ANKRD26: variants seen among roughly 807,000 people sequenced by gnomAD.
The protein encoded by ANKRD26 is ankyrin repeat domain-containing protein 26.
ANKRD26 carries 141 observed loss-of-function variants against 208.7 expected under a neutral mutation model. That is an observed-to-expected ratio of 0.68 (90% CI 0.59 to 0.78). ANKRD26 has a LOEUF of 0.78. Ranked by LOEUF, ANKRD26 falls within the 30% of genes least tolerant of loss-of-function variation. The pLI is 0.00. For missense variants in ANKRD26, 1,889 were observed against 1,938.7 expected (o/e 0.97, Z 0.48); for synonymous variants, 636 against 660.4 (o/e 0.96, Z 0.57).
chr10:27,016,305 T>C (rs2053289790), intron 30 of ANKRD26, among the ~76,000 whole-genome samples: 1 of 151,994 alleles, frequency 6.6e-6, no homozygotes, highest in African/African-American at 2.4e-5. Flanking sequence ...GTTTGTTTTG[T>C]TTTGTATTTG....
chr10:27,061,164 C>T lies in ANKRD26; in HGVS notation c.1442G>A (p.Gly481Asp), dbSNP rs1254978194. 5 of 1,611,734 alleles carry T rather than the reference C, an allele frequency of 3.1e-6. No homozygotes were observed. The highest frequency in any genetic ancestry group is 1.1e-5 in the South Asian group (1 of 91,036). ...MAKLEDTRNV[G>D]MPVAHMESPE... ...CATACCCATGTGGGCTACTGGCATG[C>T]CTACATTTCTTGTATCCTCTAGTTT... The change falls in exon 13 of 34, where the codon GGC becomes GAC. Residue 481 changes from glycine (G) to aspartate (D), a missense_variant. This residue lies in a region of ANKRD26 where 1,272 missense variants were observed against 1,273.8 expected (regional missense o/e 1.00). Transcript: ENST00000376087.
intron 1 of ANKRD26, among the ~76,000 whole-genome samples, chr10:27,094,799 G>A (rs1285330160): frequency 6.6e-6 from 1 of 152,138 alleles, no homozygotes; most frequent in Non-Finnish European, 1.5e-5. Flanking sequence ...CCAAGAGTTT[G>A]AGACCAGCCT....
In ANKRD26 at chr10:27,100,237, C is replaced by A. The variant is rs1347503526; in HGVS notation, c.90G>T (p.Pro30=). 4 of 1,612,212 alleles carry A rather than the reference C, an allele frequency of 2.5e-6. No homozygotes were observed. The Admixed American group carries it at 5.0e-5, about 20-fold the overall frequency. ...CGGGCTGCGAGTAGGCGCCCTCCCC[C>A]GGCTCGCCCCCGCCTCCCGCGCTGC... ...QRSSAGGGGE[P]GEGAYSQPGY... is the part of the protein sequence containing the mutation. The change falls in exon 1 of 34, where the codon CCG becomes CCT. Residue 30 remains proline, a synonymous_variant. Transcript: ENST00000376087.
rs1469948289 is a variant in ANKRD26 at position 27,067,207 on chromosome 10, T to G, written c.1157A>C (p.Asn386Thr). Residue 386 changes from asparagine to threonine, a missense_variant, in exon 10 of 34, where the codon AAT becomes ACT. By Grantham distance (65) the Asn-to-Thr change is moderately conservative (BLOSUM62 0). This residue lies in a region of ANKRD26 where 1,272 missense variants were observed against 1,273.8 expected (regional missense o/e 1.00). Coordinates refer to ENST00000376087, the MANE Select transcript of ANKRD26 (RefSeq NM_014915.3). ...IIESAPLEQT[N>T]NDNLTYVDEV... is the part of the protein sequence containing the mutation. ...ATCAACATAAGTCAAATTGTCATTA[T>G]TTGTTTGCTCTAGTGGAGCACTTTC... The G allele has an allele frequency of 1.2e-6, 2 of 1,613,788 alleles. No individual in the cohort carries two copies. The highest frequency in any genetic ancestry group is 1.7e-6 in the Non-Finnish European group (2 of 1,179,842).
chr10:27,091,036 C>A (rs950924688), intron 4 of ANKRD26, among the ~76,000 whole-genome samples: 1 of 152,036 alleles, frequency 6.6e-6, no homozygotes, highest in Non-Finnish European at 1.5e-5. Context: ...ACAGAGGTTG[C>A]AGGGAGCCAA....
chr10:27,077,737 A>G (rs749499556), intron 7 of ANKRD26, 44 bp from the exon 8 acceptor site: 1 of 1,497,560 alleles, frequency 6.7e-7, no homozygotes, highest in Non-Finnish European at 9.2e-7. Flanking sequence ...AAAAACAAGT[A>G]TCAAATTTGA....
rs2056615708 is a variant in ANKRD26, at chr10:27,100,462, C to G, written c.-136G>C. The G allele has an allele frequency of 7.5e-7, 1 of 1,331,114 alleles. No homozygotes were observed. The highest frequency in any genetic ancestry group is 1.0e-6 in the Non-Finnish European group (1 of 988,502). The allele number at this position is 1,331,114 out of a possible 1,614,324, so 82.5% of individuals were successfully genotyped here. ...ACTCCGCGGTTTCCAATCTCTCCCT[C>G]CGGGTTACCAAGCAAGCGATCCCGC... is the stretch of plus-strand genomic sequence containing the variant. On this transcript the variant is annotated 5_prime_UTR_variant, in exon 1 of 34. Coordinates refer to ENST00000376087, the MANE Select transcript of ANKRD26 (RefSeq NM_014915.3).
At chr10:27,000,466 T>G (rs907635797), downstream of ANKRD26, among the ~76,000 whole-genome samples, 30 of 152,216 alleles carry the variant, frequency 2.0e-4, no homozygotes, top group Admixed American at 9.2e-4. Context: ...GATACAATAC[T>G]GTCACTATTA....
chr10:26,976,525 T>G (rs946582024), intron 5 of ANKRD26, among the ~76,000 whole-genome samples: 1 of 152,184 alleles, frequency 6.6e-6, no homozygotes, highest in Non-Finnish European at 1.5e-5. Context: ...ATATCTTGTA[T>G]GTTTCCAAGG....
chr10:26,972,812 G>A (rs111688421), downstream of ANKRD26, among the ~76,000 whole-genome samples: 7 of 152,038 alleles, frequency 4.6e-5, no homozygotes, highest in South Asian at 2.1e-4. Flanking sequence ...GGATGGTCTC[G>A]ATCGCCTGAC....
At chr10:27,057,793 T>A (rs1463865606) in intron 15 of ANKRD26, among the ~76,000 whole-genome samples, 2 of 152,036 alleles carry the variant, frequency 1.3e-5, no homozygotes, top group Non-Finnish European at 1.5e-5. Context: ...AAAAATTAGC[T>A]GGCCTTGTTG....
chr10:27,030,508 G>A, intron 25 of ANKRD26: 1 of 985,356 alleles, frequency 1.0e-6, no homozygotes, highest in Non-Finnish European at 1.2e-6. Context: ...CACTCTGGTG[G>A]GCTTAAGGCT....
At chr10:26,986,044 G>A (rs1589166892) in intron 3 of ANKRD26, among the ~76,000 whole-genome samples, 1 of 152,120 alleles carries the variant, frequency 6.6e-6, no homozygotes, top group Non-Finnish European at 1.5e-5. Flanking sequence ...CAAGGCTACA[G>A]TAACCAAAAC....
the ANKRD26 span, among the ~76,000 whole-genome samples, chr10:26,957,544 G>GC: frequency 2.6e-5 from 4 of 152,142 alleles, no homozygotes; most frequent in Admixed American, 2.6e-4. Flanking sequence ...AGCAATTAAG[G>GC]CACATTCTGG....
exon 6 of ANKRD26, among the ~76,000 whole-genome samples, chr10:26,975,288 G>A (rs1335571545): frequency 6.6e-6 from 1 of 151,916 alleles, no homozygotes; most frequent in African/African-American, 2.4e-5. Flanking sequence ...AAGTATGGTG[G>A]TGTGATCATA....
At chr10:27,009,716 T>C (rs1187885589) in intron 32 of ANKRD26, among the ~76,000 whole-genome samples, 1 of 152,084 alleles carries the variant, frequency 6.6e-6, no homozygotes, top group Non-Finnish European at 1.5e-5. Context: ...TAATACAAAA[T>C]CGAAAGCTAT....
At chr10:26,957,005 C>G in the ANKRD26 span, among the ~76,000 whole-genome samples, 8 of 152,304 alleles carry the variant, frequency 5.3e-5, no homozygotes, top group African/African-American at 1.9e-4. Flanking sequence ...ATTGAGAATA[C>G]TGGAGCAGCA....
rs1272690984 is a variant in ANKRD26, at chr10:27,094,687, T to C, written c.243-888A>G. Among the ~76,000 whole-genome samples, 8 of 152,214 alleles carry C rather than the reference T, an allele frequency of 5.3e-5. No individual in the cohort carries two copies. In the East Asian group the frequency reaches 1.2e-3, roughly 22 times the overall value. On this transcript the variant is annotated intron_variant, in intron 1 of 33. Coordinates refer to ENST00000376087, the MANE Select transcript of ANKRD26 (RefSeq NM_014915.3). Reference sequence around the variant, plus strand: ...TTAAATGAAATGATACAATTATACCTAGTTGACAGTATGTTTTAAAGATCA... The same window carrying C: ...TTAAATGAAATGATACAATTATACCCAGTTGACAGTATGTTTTAAAGATCA...
In ANKRD26 at chr10:27,053,304, TA is replaced by T; in HGVS notation, c.1635+15del. The T allele has an allele frequency of 6.3e-7, 1 of 1,578,408 alleles. No individual in the cohort carries two copies. Among genetic ancestry groups the T allele is most frequent in the South Asian group, 1.1e-5 (1 of 89,010 alleles). ...AAAACAATATTAAACCAGAAATTTT[TA>T]AAAATATATAATACCTGTGGCTGGT... On this transcript the variant is annotated intron_variant, in intron 16 of 33. Transcript: ENST00000376087.
Sources: allele counts gnomAD v4.1 joint callset (sites outside exome capture counted in the v4.1 genomes callset), GRCh38; gene constraint gnomAD v4.1.1; regional missense constraint gnomAD v4.1.1; transcripts MANE v1.5; gene names NCBI Gene and HGNC (gene_info 2026-07-23, HGNC 2026-07-21).